Variants in WDHD1 observed in about 807,000 individuals in gnomAD.
WDHD1 encodes the protein WD repeat and HMG-box DNA binding protein 1.
In WDHD1, 111 loss-of-function variants were observed where a neutral mutation model predicts 135.4. The observed-to-expected ratio is 0.82, with a 90% CI of 0.70 to 0.96. WDHD1 has a LOEUF of 0.96. Among genes scored for constraint, WDHD1 ranks in the 40% least tolerant of loss-of-function variants. The pLI is 0.00. For synonymous variants in WDHD1, 434 were observed against 439.0 expected, an observed-to-expected ratio of 0.99 and a Z score of 0.14; for missense variants, 1,351 against 1,336.3, an observed-to-expected ratio of 1.01 and a Z score of -0.17.
Position 55,008,811 on chromosome 14 carries a change from T to G in WDHD1, c.342-92A>C, listed in dbSNP as rs2042116786. The G allele has an allele frequency of 2.9e-6, 3 of 1,036,024 alleles. No individual in the cohort carries two copies. In the East Asian group the frequency reaches 8.0e-5, roughly 28 times the overall value. The allele number at this position is 1,036,024 out of a possible 1,614,324, so 64.2% of individuals were successfully genotyped here. A position where few individuals can be genotyped will look rare whatever the true frequency, so the allele number is the denominator to read the frequency against. ...TCCAAATATTTCTTTTTTTTTTTTT[T>G]TCTTTTTGAGACGGAGTCTCACTCT... On this transcript the variant is annotated intron_variant, in intron 4 of 25. Transcript: ENST00000360586.
intron 16 of WDHD1, among the ~76,000 whole-genome samples, chr14:54,974,648 A>T (rs1249475178): frequency 1.3e-5 from 2 of 152,062 alleles, no homozygotes; most frequent in Non-Finnish European, 2.9e-5. Flanking sequence ...CAACCTGGCG[A>T]AACACTGTCT....
chr14:55,024,084 G>C (rs2042393479), intron 2 of WDHD1, among the ~76,000 whole-genome samples: 1 of 151,872 alleles, frequency 6.6e-6, no homozygotes, highest in Admixed American at 6.6e-5. Context: ...CAAATTGTTA[G>C]AAACTGCCAA....
chr14:54,995,701 C>T lies in WDHD1; in HGVS notation c.1055G>A (p.Gly352Glu). Residue 352 changes from glycine to glutamate, a missense_variant, in exon 11 of 26, where the codon GGG becomes GAG. Around this residue, in one of 2 missense-constraint regions of WDHD1, gnomAD observed 1,330 missense variants for 1,296.1 expected, o/e 1.03. Coordinates refer to ENST00000360586, the MANE Select transcript of WDHD1 (RefSeq NM_007086.4). The stretch of plus-strand genomic sequence containing the variant: ...ATCATCCTCATCATCATTTATAATC[C>T]CTTTTGAAAAAGAAGGGATCTCAAC... ...NAVEIPSFSK[G>E]IINDDEDDED... 1 of 1,613,520 alleles carries T rather than the reference C, an allele frequency of 6.2e-7. No homozygotes were observed. Among genetic ancestry groups the T allele is most frequent in the Non-Finnish European group, 8.5e-7 (1 of 1,179,832 alleles).
intron 2 of WDHD1, among the ~76,000 whole-genome samples, chr14:55,018,953 G>C (rs2042301657): frequency 6.6e-6 from 1 of 152,160 alleles, no homozygotes; most frequent in African/African-American, 2.4e-5. Flanking sequence ...AACCTGGGAG[G>C]CAGAGGTTAC....
chr14:54,993,728 C>T (rs1297406306), intron 11 of WDHD1, among the ~76,000 whole-genome samples: 2 of 147,666 alleles, frequency 1.4e-5, no homozygotes, highest in African/African-American at 5.2e-5. Flanking sequence ...ACAAAGATTG[C>T]AATGCCACTC....
chr14:54,970,934 C>T (rs1447490257), intron 16 of WDHD1, among the ~76,000 whole-genome samples: 1 of 152,044 alleles, frequency 6.6e-6, no homozygotes, highest in African/African-American at 2.4e-5. Flanking sequence ...GAAATAAAGC[C>T]ACACACCTAC....
Position 54,952,204 on chromosome 14 carries a change from A to C in WDHD1, c.3050+3357T>G, listed in dbSNP as rs539683844. Among the ~76,000 whole-genome samples the C allele has an allele frequency of 7.2e-5, 11 of 152,254 alleles. No individual in the cohort carries two copies. In the South Asian group the frequency reaches 1.0e-3, roughly 14 times the overall value. On this transcript the variant is annotated intron_variant, in intron 24 of 25. Transcript: ENST00000360586. The stretch of plus-strand genomic sequence containing the variant: ...TTAGGAAAAGAGGAAGTCAAATTGT[A>C]CCTGTTTGCAGATGACATGATTGTA...
intron 6 of WDHD1, 67 bp from the exon 7 acceptor site, chr14:55,007,442 A>C: frequency 7.1e-6 from 8 of 1,133,832 alleles, no homozygotes; most frequent in East Asian, 2.4e-5. Context: ...TGCAGAACTG[A>C]ATATATTTAA....
chr14:55,000,634 C>A lies in WDHD1; in HGVS notation c.811G>T (p.Glu271Ter). Residue 271 changes from glutamate (E) to a stop codon, truncating the protein, a stop_gained, in exon 10 of 26, where the codon GAG (glutamate) becomes TAG (stop). Coordinates refer to ENST00000360586, the MANE Select transcript of WDHD1 (RefSeq NM_007086.4). LOFTEE classifies it high-confidence loss of function. ...AGACCACAAATTGCATAACCTTTCTCATGTTTCACCCTAAAAATTAAAAAG... is the reference window on the plus strand; with the variant it reads ...AGACCACAAATTGCATAACCTTTCTAATGTTTCACCCTAAAAATTAAAAAG... ...TKDCMERVKH[E>*]KGYAICGLAW... The A allele has an allele frequency of 6.4e-7, 1 of 1,555,732 alleles. No homozygotes were observed. Among genetic ancestry groups the A allele is most frequent in the Non-Finnish European group, 8.7e-7 (1 of 1,150,874 alleles).
chr14:55,004,827 T>C, intron 7 of WDHD1: 1 of 491,406 alleles, frequency 2.0e-6, no homozygotes. Context: ...GATCACTCAG[T>C]GGTTGTTCCT....
At chr14:54,994,100 C>A (rs2041839472) in intron 11 of WDHD1, among the ~76,000 whole-genome samples, 1 of 152,182 alleles carries the variant, frequency 6.6e-6, no homozygotes, top group Admixed American at 6.5e-5. Flanking sequence ...CAATTACAAT[C>A]TCAATTTCTT....
chr14:54,948,344 C>T (rs1566703658), intron 24 of WDHD1, among the ~76,000 whole-genome samples: 3 of 152,304 alleles, frequency 2.0e-5, no homozygotes, highest in Middle Eastern at 3.4e-3. Flanking sequence ...AATTGGGTCA[C>T]CCCCACCCTA....
rs192608328 is a variant in WDHD1 at position 54,955,598 on chromosome 14, G to C, written c.3013C>G (p.Pro1005Ala). 6.3e-7 allele frequency: 1 copy of C among 1,591,576 alleles called. No individual in the cohort carries two copies. The highest frequency in any genetic ancestry group is 2.3e-5 in the East Asian group (1 of 43,160). Residue 1005 changes from proline to alanine, a missense_variant, in exon 24 of 26, where the codon CCA (proline) becomes GCA (alanine). This residue lies in a region of WDHD1 where 1,330 missense variants were observed against 1,296.1 expected (regional missense o/e 1.03). Transcript: ENST00000360586. The part of the protein sequence containing the change: ...ENLKNVLSET[P>A]AICPPQNTEN... Reference sequence around the variant, plus strand: ...GTGTTTTGAGGAGGACATATAGCTGGGGTTTCAGATAATACATTTTTAAGA... The same window carrying C: ...GTGTTTTGAGGAGGACATATAGCTGCGGTTTCAGATAATACATTTTTAAGA...
chr14:55,006,821 A>C (rs1230959370), intron 7 of WDHD1, among the ~76,000 whole-genome samples: 1 of 152,214 alleles, frequency 6.6e-6, no homozygotes, highest in Non-Finnish European at 1.5e-5. Flanking sequence ...GCATTTCAAT[A>C]CTAATTATTT....
chr14:54,997,940 G>A lies in WDHD1; in HGVS notation c.943-2127C>T, dbSNP rs184129133. On this transcript the variant is annotated intron_variant, in intron 10 of 25. Coordinates refer to ENST00000360586, the MANE Select transcript of WDHD1 (RefSeq NM_007086.4). ...AAAAAAAAATGGGGAGGCCAGGCAC[G>A]GTGGCCCATGTCTGTAACCCTAGCA... 5.3e-5 allele frequency among the ~76,000 whole-genome samples: 8 copies of A among 151,748 alleles called. 1 individual carries two copies. The highest frequency in any genetic ancestry group is 8.8e-5 in the Non-Finnish European group (6 of 67,896).
At chr14:54,971,109 T>C (rs181964094) in intron 16 of WDHD1, among the ~76,000 whole-genome samples, 6 of 152,282 alleles carry the variant, frequency 3.9e-5, no homozygotes, top group African/African-American at 7.2e-5. Context: ...AACACTTAAA[T>C]GTAAGACCTC....
At chr14:55,020,742 A>G (rs934040014) in intron 2 of WDHD1, among the ~76,000 whole-genome samples, 29 of 152,224 alleles carry the variant, frequency 1.9e-4, no homozygotes, top group Non-Finnish European at 4.4e-5. Context: ...AAAAATCCAC[A>G]TAGAAGTTTT....
chr14:54,970,340 A>C (rs1028616501), intron 16 of WDHD1, among the ~76,000 whole-genome samples: 1 of 152,240 alleles, frequency 6.6e-6, no homozygotes, highest in African/African-American at 2.4e-5. Context: ...ATATACAAAA[A>C]TCAGTAGCAT....
intron 16 of WDHD1, among the ~76,000 whole-genome samples, chr14:54,973,151 T>TA (rs1566720066): frequency 6.6e-6 from 1 of 152,234 alleles, no homozygotes; most frequent in African/African-American, 2.4e-5. Flanking sequence ...CATATTTTCA[T>TA]AAAGTCATTT....
Sources: allele counts gnomAD v4.1 joint callset (sites outside exome capture counted in the v4.1 genomes callset), GRCh38; gene constraint gnomAD v4.1.1; regional missense constraint gnomAD v4.1.1; transcripts MANE v1.5; gene names NCBI Gene and HGNC (gene_info 2026-07-23, HGNC 2026-07-21).